The following MTF2 variants were observed in gnomAD, a reference collection of about 807,000 sequenced individuals.
MTF2 encodes metal-response element-binding transcription factor 2.
In MTF2, 11 loss-of-function variants were observed where a neutral mutation model predicts 79.5. The ratio of observed to expected loss-of-function variants is 0.14; its 90% CI spans 0.09 to 0.23. The LOEUF (loss-of-function observed/expected upper bound fraction) is 0.23. Among genes scored for constraint, MTF2 ranks in the 10% least tolerant of loss-of-function variants. The pLI is 1.00. For missense variants in MTF2, 486 were observed against 711.2 expected, an observed-to-expected ratio of 0.68 and a Z score of 3.60; for synonymous variants, 208 against 232.8, an observed-to-expected ratio of 0.89 and a Z score of 0.97.
chr1:93,091,696 T>C (rs1655080989), intron 1 of MTF2, among the ~76,000 whole-genome samples: 1 of 152,238 alleles, frequency 6.6e-6, no homozygotes, highest in South Asian at 2.1e-4. Flanking sequence ...ATAAGAAGGA[T>C]ATGCCCTCAA....
At chr1:93,084,919 A>G (rs544090524) in intron 1 of MTF2, among the ~76,000 whole-genome samples, 1 of 152,280 alleles carries the variant, frequency 6.6e-6, no homozygotes, top group East Asian at 1.9e-4. Context: ...ACATATAGAA[A>G]CAAAGTAAAC....
At position 93,118,332 on chromosome 1, in the gene MTF2, T is replaced by A. The variant is rs1656337607; in HGVS notation, c.633-13T>A. 1.9e-6 allele frequency: 3 copies of A among 1,552,048 alleles called. No individual in the cohort carries two copies. Among genetic ancestry groups the A allele is most frequent in the East Asian group, 2.3e-5 (1 of 43,262 alleles). ...AGGAATTTTAGTGTTAACTTTTTTGTTTTTTTTAATAGCTGGTATTTGAAG... is the reference window on the plus strand; with the variant it reads ...AGGAATTTTAGTGTTAACTTTTTTGATTTTTTTAATAGCTGGTATTTGAAG... On this transcript the variant is annotated splice_polypyrimidine_tract_variant and intron_variant, in intron 6 of 14. Coordinates refer to ENST00000370298, the MANE Select transcript of MTF2 (RefSeq NM_007358.4).
At chr1:93,117,217 T>G (rs1656283698) in intron 6 of MTF2, among the ~76,000 whole-genome samples, 1 of 152,170 alleles carries the variant, frequency 6.6e-6, no homozygotes, top group African/African-American at 2.4e-5. Context: ...TGCCTTTTAT[T>G]ATTTTCAAAT....
intron 14 of MTF2, 113 bp downstream of exon 14, chr1:93,134,308 A>G (rs1026392729): frequency 2.0e-5 from 15 of 756,386 alleles, no homozygotes; most frequent in Admixed American, 1.2e-4. Context: ...AGTTGTGTCT[A>G]TCAGCTTTTT....
chr1:93,126,158 G>GT (rs36038463), intron 9 of MTF2, among the ~76,000 whole-genome samples: 18,243 of 149,022 alleles, frequency 0.12, 1,296 homozygotes, highest in Non-Finnish European at 0.16. Flanking sequence ...TATTTAACAT[G>GT]TTTTTTTTTT....
At chr1:93,128,284 G>C (rs1020690219) in intron 10 of MTF2, among the ~76,000 whole-genome samples, 1 of 152,048 alleles carries the variant, frequency 6.6e-6, no homozygotes, top group Admixed American at 6.6e-5. Flanking sequence ...TTGGTTGGGC[G>C]TGGTGGCTCA....
At chr1:93,099,045 G>C (rs1444288411) in intron 1 of MTF2, among the ~76,000 whole-genome samples, 2 of 152,130 alleles carry the variant, frequency 1.3e-5, no homozygotes, top group Non-Finnish European at 2.9e-5. Context: ...CAGTTGTCCA[G>C]CCGCTCAGGT....
Position 93,118,342 on chromosome 1 carries a change from T to A in MTF2, c.633-3T>A, listed in dbSNP as rs752007746. The A allele has an allele frequency of 1.3e-6, 2 of 1,564,538 alleles. No individual in the cohort carries two copies. Among genetic ancestry groups the A allele is most frequent in the East Asian group, 4.7e-5 (2 of 43,010 alleles). On this transcript the variant is annotated splice_polypyrimidine_tract_variant and splice_region_variant and intron_variant, in intron 6 of 14. Coordinates refer to ENST00000370298, the MANE Select transcript of MTF2 (RefSeq NM_007358.4). Reference sequence around the variant, plus strand: ...GTGTTAACTTTTTTGTTTTTTTTAATAGCTGGTATTTGAAGATGCTACAGT... The same window carrying A: ...GTGTTAACTTTTTTGTTTTTTTTAAAAGCTGGTATTTGAAGATGCTACAGT...
At position 93,133,808 on chromosome 1, in the gene MTF2, G is replaced by T; in HGVS notation, c.1266G>T (p.Leu422Phe). The change falls in exon 12 of 15, where the codon TTG (leucine) becomes TTT (phenylalanine). Residue 422 changes from leucine (L) to phenylalanine (F), a missense_variant and splice_region_variant. This residue lies in a region of MTF2 where 209 missense variants were observed against 206.5 expected (regional missense o/e 1.01). Coordinates refer to ENST00000370298, the MANE Select transcript of MTF2 (RefSeq NM_007358.4). Reference sequence around the variant, plus strand: ...TTCAAAAAACTGCTGAGCCACTTTTGGTAAGAGGATATGTTGGTATATGTT... The same window carrying T: ...TTCAAAAAACTGCTGAGCCACTTTTTGTAAGAGGATATGTTGGTATATGTT... ...KMIQKTAEPL[L>F]DKESISENPT... 6.3e-7 allele frequency: 1 copy of T among 1,598,028 alleles called. No individual in the cohort carries two copies. The highest frequency in any genetic ancestry group is 1.1e-5 in the South Asian group (1 of 90,174).
rs943981469 is a variant in MTF2, at chr1:93,136,749, C to A, written c.1504C>A (p.Arg502Ser). The part of the protein sequence containing the change: ...AIPHLRRRRG[R>S]LPRRALQTQN... ...ACCACATTTGCGGAGAAGAAGAGGT[C>A]GTCTTCCAAGAAGAGCACTCCAGAC... Residue 502 changes from arginine to serine, a missense_variant, in exon 15 of 15, where the codon CGT (arginine) becomes AGT (serine). Transcript: ENST00000370298. The A allele has an allele frequency of 6.2e-7, 1 of 1,614,102 alleles. No individual in the cohort carries two copies. Among genetic ancestry groups the A allele is most frequent in the Non-Finnish European group, 8.5e-7 (1 of 1,180,022 alleles).
chr1:93,085,457 G>A (rs1223443731), intron 1 of MTF2, among the ~76,000 whole-genome samples: 3 of 145,476 alleles, frequency 2.1e-5, no homozygotes, highest in Non-Finnish European at 3.0e-5. Context: ...GATTACAGGC[G>A]TGAGCCACTG....
At chr1:93,092,412 C>A (rs998012136) in intron 1 of MTF2, among the ~76,000 whole-genome samples, 2 of 152,112 alleles carry the variant, frequency 1.3e-5, no homozygotes, top group Non-Finnish European at 2.9e-5. Flanking sequence ...ATGCTACTTG[C>A]TAAAAGTTTA....
chr1:93,110,346 A>C lies in MTF2; in HGVS notation c.122A>C (p.Lys41Thr). 3 of 1,614,188 alleles carry C rather than the reference A, an allele frequency of 1.9e-6. No individual in the cohort carries two copies. The highest frequency in any genetic ancestry group is 1.7e-6 in the Non-Finnish European group (2 of 1,180,034). ...LSLQDGHKAK[K>T]PACKFEEGQD... ...TTACAGGATGGACATAAAGCCAAAA[A>C]GCCAGCATGTAAATTTGAAGAGGGT... Residue 41 changes from lysine (K) to threonine (T), a missense_variant, in exon 2 of 15, where the codon AAG (lysine) becomes ACG (threonine). Transcript: ENST00000370298.
chr1:93,099,044 A>C (rs1381097478), intron 1 of MTF2, among the ~76,000 whole-genome samples: 2 of 152,208 alleles, frequency 1.3e-5, no homozygotes, highest in Non-Finnish European at 2.9e-5. Context: ...CCAGTTGTCC[A>C]GCCGCTCAGG....
At chr1:93,104,130 A>G (rs1296505377) in intron 1 of MTF2, among the ~76,000 whole-genome samples, 1 of 145,988 alleles carries the variant, frequency 6.8e-6, no homozygotes, top group African/African-American at 2.6e-5. Context: ...TGTAGAGACA[A>G]GGTCTCACTG....
chr1:93,080,147 A>G (rs1193657942), intron 1 of MTF2, among the ~76,000 whole-genome samples: 28 of 152,140 alleles, frequency 1.8e-4, no homozygotes, highest in Admixed American at 1.8e-3. Flanking sequence ...GGGGAAAGCT[A>G]GGTAGCTTAT....
At chr1:93,096,661 C>T (rs146258306) in intron 1 of MTF2, among the ~76,000 whole-genome samples, 3 of 151,568 alleles carry the variant, frequency 2.0e-5, no homozygotes, top group East Asian at 1.9e-4. Flanking sequence ...TATTTCGAGA[C>T]GTATCTCTCC....
chr1:93,104,905 C>A (rs958466789), intron 1 of MTF2, among the ~76,000 whole-genome samples: 2 of 151,798 alleles, frequency 1.3e-5, no homozygotes, highest in African/African-American at 4.8e-5. Context: ...GCCTGTAATC[C>A]CAGCACTTTG....
chr1:93,088,862 A>G (rs1228217923), intron 1 of MTF2, among the ~76,000 whole-genome samples: 1 of 152,166 alleles, frequency 6.6e-6, no homozygotes. Context: ...ATGAACCACC[A>G]TGCCCAACCT....
Sources: gnomAD v4.1 joint callset for allele counts (sites outside exome capture counted in the v4.1 genomes callset) on GRCh38, gnomAD v4.1.1 for gene constraint, gnomAD v4.1.1 regional missense constraint, MANE v1.5 for transcripts, NCBI Gene and HGNC (gene_info 2026-07-23, HGNC 2026-07-21) for gene names.